The following CDC42BPB variants were observed in gnomAD, a reference collection of about 807,000 sequenced individuals.
CDC42BPB encodes the protein CDC42 binding protein kinase beta.
A neutral mutation model predicts 214.9 loss-of-function variants in CDC42BPB; 37 were observed. The observed-to-expected ratio is 0.17, with a 90% CI of 0.13 to 0.23. The LOEUF is 0.23. CDC42BPB is among the 10% of genes least tolerant of loss of function. The pLI is 1.00. For missense variants in CDC42BPB, 1,694 were observed against 2,227.0 expected, an observed-to-expected ratio of 0.76 and a Z score of 4.82; for synonymous variants, 931 against 884.0, an observed-to-expected ratio of 1.05 and a Z score of -0.94.
chr14:103,003,385 A>G (rs1164233008), intron 4 of CDC42BPB, among the ~76,000 whole-genome samples: 2 of 152,228 alleles, frequency 1.3e-5, no homozygotes, highest in East Asian at 3.9e-4. Flanking sequence ...ATGCACATGC[A>G]TGTGCGTCAC....
rs756106150 is a variant in CDC42BPB at position 102,950,583 on chromosome 14, G to A, written c.3192C>T (p.His1064=). The stretch of plus-strand genomic sequence containing the variant: ...GGGGGGCACCGTCTTTGCAGGACAC[G>A]TGGCAAGCAAAGGAACACACTGGAA... ...YACEVCSFAC[H]VSCKDGAPQV... is the part of the protein sequence containing the mutation. Residue 1064 remains histidine (H), a synonymous_variant, in exon 25 of 37, where the codon CAC becomes CAT. Transcript: ENST00000361246. 9 of 1,596,612 alleles carry A rather than the reference G, an allele frequency of 5.6e-6. No homozygotes were observed. Among genetic ancestry groups the A allele is most frequent in the Admixed American group, 3.5e-5 (2 of 57,554 alleles).
intron 1 of CDC42BPB, among the ~76,000 whole-genome samples, chr14:103,018,031 G>A (rs1251511374): frequency 6.6e-6 from 1 of 152,210 alleles, no homozygotes; most frequent in Non-Finnish European, 1.5e-5. Context: ...AGGAGGTGAG[G>A]TGATGGTTTT....
At chr14:103,038,898 A>T (rs1887827019) in intron 1 of CDC42BPB, among the ~76,000 whole-genome samples, 1 of 152,154 alleles carries the variant, frequency 6.6e-6, no homozygotes, top group African/African-American at 2.4e-5. Flanking sequence ...TGACCAAGAA[A>T]AAAAACAGCA....
At position 102,938,113 on chromosome 14, in the gene CDC42BPB, A is replaced by T; in HGVS notation, c.4995T>A (p.Phe1665Leu). 4.3e-6 allele frequency: 7 copies of T among 1,613,970 alleles called. No homozygotes were observed. Among genetic ancestry groups the T allele is most frequent in the Non-Finnish European group, 5.9e-6 (7 of 1,180,010 alleles). ...LRSMSDPDQD[F>L]DKEPDSDSTK... is the part of the protein sequence containing the mutation. Reference sequence around the variant, plus strand: ...CCTGGGCAAGTCTCACCTCTTTGTCAAAGTCCTGGTCTGGATCAGACATAC... The same window carrying T: ...CCTGGGCAAGTCTCACCTCTTTGTCTAAGTCCTGGTCTGGATCAGACATAC... Residue 1665 changes from phenylalanine to leucine, a missense_variant, in exon 36 of 37, where the codon TTT (phenylalanine) becomes TTA (leucine). Transcript: ENST00000361246.
At position 102,941,755 on chromosome 14, in the gene CDC42BPB, G is replaced by C. The variant is rs530584227; in HGVS notation, c.4409-1431C>G. ...GTGACATGTGACTGATACAGAGCAC[G>C]CGGCCCCTGTGGCCTTCAGCTGCCT... On this transcript the variant is annotated intron_variant, in intron 30 of 36. Coordinates refer to ENST00000361246, the MANE Select transcript of CDC42BPB (RefSeq NM_006035.4). Among the ~76,000 whole-genome samples, 321 of 152,358 alleles carry C rather than the reference G, an allele frequency of 2.1e-3. 1 individual carries two copies. The highest frequency in any genetic ancestry group is 3.8e-3 in the Non-Finnish European group (260 of 68,026).
At chr14:102,945,092 C>T in intron 29 of CDC42BPB, 1 of 363,218 alleles carries the variant, frequency 2.8e-6, no homozygotes. Context: ...TACGGCCTCG[C>T]CCAGCGGCTG....
chr14:102,979,751 G>A (rs1004825765), intron 8 of CDC42BPB, among the ~76,000 whole-genome samples: 15 of 152,030 alleles, frequency 9.9e-5, no homozygotes, highest in Middle Eastern at 3.2e-3. Flanking sequence ...ATCCCCAAAC[G>A]AAGTCACACA....
At chr14:102,973,173 G>A (rs1344184029) in intron 12 of CDC42BPB, among the ~76,000 whole-genome samples, 4 of 152,196 alleles carry the variant, frequency 2.6e-5, no homozygotes, top group Non-Finnish European at 4.4e-5. Flanking sequence ...AGGCCTCTCT[G>A]GGCCCGCTGG....
At chr14:102,936,106 A>C (rs1266212846) in intron 36 of CDC42BPB, among the ~76,000 whole-genome samples, 4 of 152,248 alleles carry the variant, frequency 2.6e-5, no homozygotes, top group Non-Finnish European at 5.9e-5. Flanking sequence ...AAGAACAAGT[A>C]TTGGTGAGGA....
At chr14:103,041,387 T>C in intron 1 of CDC42BPB, 1 of 547,596 alleles carries the variant, frequency 1.8e-6, no homozygotes, top group Non-Finnish European at 3.2e-6. Context: ...GCACTGCCAA[T>C]GGATTGTTAG....
intron 21 of CDC42BPB, among the ~76,000 whole-genome samples, chr14:102,958,610 C>T (rs954270120): frequency 2.0e-5 from 3 of 152,028 alleles, no homozygotes; most frequent in African/African-American, 4.8e-5. Flanking sequence ...CAAGAACCTG[C>T]GGCCCATGGA....
chr14:103,008,608 G>T lies in CDC42BPB; in HGVS notation c.268-53C>A, dbSNP rs961530916. 5 of 1,587,446 alleles carry T rather than the reference G, an allele frequency of 3.1e-6. No individual in the cohort carries two copies. In the Admixed American group the frequency reaches 8.4e-5, roughly 27 times the overall value. On this transcript the variant is annotated intron_variant, in intron 2 of 36. Transcript: ENST00000361246. ...GATGCGGTTCTTGAACAAAAGGCTA[G>T]CACGCTGGAGCTAAACTGTAGTGAA...
intron 7 of CDC42BPB, 82 bp from the exon 8 acceptor site, chr14:102,981,103 G>A (rs1412804646): frequency 1.3e-6 from 2 of 1,574,802 alleles, no homozygotes; most frequent in African/African-American, 2.7e-5. Flanking sequence ...AGGAAACAAA[G>A]TAGAAATGGT....
Position 102,978,199 on chromosome 14 carries a change from A to T in CDC42BPB, c.1147T>A (p.Leu383Ile). ...DDDVLRNTEILPPGSHTGFSG... is the reference protein window; with the variant it reads ...DDDVLRNTEIIPPGSHTGFSG... ...AAGCCTGTGTGAGAACCAGGAGGTA[A>T]TATTTCCTGCATAAGAACATATACA... The change falls in exon 9 of 37, where the codon TTA (leucine) becomes ATA (isoleucine). Residue 383 changes from leucine (L) to isoleucine (I), a missense_variant. Coordinates refer to ENST00000361246, the MANE Select transcript of CDC42BPB (RefSeq NM_006035.4). 1 of 1,612,908 alleles carries T rather than the reference A, an allele frequency of 6.2e-7. No individual in the cohort carries two copies. The highest frequency in any genetic ancestry group is 8.5e-7 in the Non-Finnish European group (1 of 1,178,872).
At position 102,943,950 on chromosome 14, in the gene CDC42BPB, G is replaced by A. The variant is rs766354752; in HGVS notation, c.4349C>T (p.Pro1450Leu). The A allele has an allele frequency of 1.8e-5, 29 of 1,612,686 alleles. No homozygotes were observed. Among genetic ancestry groups the A allele is most frequent in the African/African-American group, 4.0e-5 (3 of 74,932 alleles). Residue 1450 changes from proline to leucine, a missense_variant, in exon 30 of 37, where the codon CCG becomes CTG. By Grantham distance (98) the Pro-to-Leu change is moderately conservative. Around this residue, in one of 7 missense-constraint regions of CDC42BPB, gnomAD observed 567 missense variants for 790.3 expected, o/e 0.72. Coordinates refer to ENST00000361246, the MANE Select transcript of CDC42BPB (RefSeq NM_006035.4). The surrounding 1 kb of genome is among the most constrained non-coding windows in gnomAD (Gnocchi z 4.6). ...CTGCGCGCGTGCCCTCCGGCCTTGC[G>A]GGTCCACGTACAGTCCCATGTGGCT... The part of the protein sequence containing the change: ...CFSHMGLYVD[P>L]QGRRARAQEL...
chr14:103,005,973 C>T lies in CDC42BPB; in HGVS notation c.352-1950G>A, dbSNP rs370335041. Among the ~76,000 whole-genome samples, 13 of 146,800 alleles carry T rather than the reference C, an allele frequency of 8.9e-5. No individual in the cohort carries two copies. The East Asian group carries it at 1.2e-3, about 14-fold the overall frequency. On this transcript the variant is annotated intron_variant, in intron 3 of 36. Coordinates refer to ENST00000361246, the MANE Select transcript of CDC42BPB (RefSeq NM_006035.4). ...GACCGAGGTCGCAGTGAGCCAAGATCGTGCCATTGCACTCCAGCCTGGGCG... is the reference window on the plus strand; with the variant it reads ...GACCGAGGTCGCAGTGAGCCAAGATTGTGCCATTGCACTCCAGCCTGGGCG...
chr14:103,048,186 T>C (rs139250668), intron 1 of CDC42BPB, among the ~76,000 whole-genome samples: 113 of 152,128 alleles, frequency 7.4e-4, no homozygotes, highest in African/African-American at 2.6e-3. Flanking sequence ...TGTGAGGTGT[T>C]TAATGGAGGA....
At chr14:102,983,374 G>A (rs1434983949) in intron 7 of CDC42BPB, among the ~76,000 whole-genome samples, 182 bp downstream of exon 7, 2 of 152,052 alleles carry the variant, frequency 1.3e-5, no homozygotes, top group East Asian at 1.9e-4. Context: ...TGCCGACCCC[G>A]CCTCTGGATG....
At chr14:103,042,109 T>G (rs1372058688) in intron 1 of CDC42BPB, 1 of 161,628 alleles carries the variant, frequency 6.2e-6, no homozygotes, top group Non-Finnish European at 1.4e-5. Flanking sequence ...CTCTTGGGAC[T>G]TGTAATAAAT....
Sources: gnomAD v4.1 joint callset for allele counts (sites outside exome capture counted in the v4.1 genomes callset) on GRCh38, gnomAD v4.1.1 for gene constraint, gnomAD v4.1.1 regional missense constraint, Gnocchi (gnomAD v3.1) non-coding constraint, MANE v1.5 for transcripts, NCBI Gene and HGNC (gene_info 2026-07-23, HGNC 2026-07-21) for gene names.